Variants in SH3KBP1 observed in about 807,000 individuals in gnomAD.
SH3KBP1 encodes the protein SH3 domain-containing kinase-binding protein 1.
In SH3KBP1, 8 loss-of-function variants were observed where a neutral mutation model predicts 50.1. That is an observed-to-expected ratio of 0.16 (90% CI 0.09 to 0.29). SH3KBP1 has a LOEUF of 0.29. Ranked by LOEUF, SH3KBP1 falls within the 10% of genes least tolerant of loss-of-function variation. The pLI, the probability that SH3KBP1 is intolerant of heterozygous loss-of-function variation, is 1.00. For synonymous variants in SH3KBP1, 227 were observed against 218.6 expected (o/e 1.04, Z -0.34); for missense variants, 377 against 535.2 (o/e 0.70, Z 2.92).
At chrX:19,566,812 T>C (rs1408113957) in intron 13 of SH3KBP1, among the ~76,000 whole-genome samples, 1 of 111,556 alleles carries the variant, frequency 9.0e-6, no homozygotes, top group African/African-American at 3.3e-5. Flanking sequence ...GAAGTACTTT[T>C]GGCATTAACA....
chrX:19,823,890 C>T (rs1373057739), intron 2 of SH3KBP1, among the ~76,000 whole-genome samples: 1 of 111,849 alleles, frequency 8.9e-6, no homozygotes, highest in African/African-American at 3.3e-5. Context: ...GCCACAATCT[C>T]GGCTCACTGC....
chrX:19,882,552 A>T (rs1382823270), intron 1 of SH3KBP1, among the ~76,000 whole-genome samples: 1 of 111,460 alleles, frequency 9.0e-6, no homozygotes, highest in Non-Finnish European at 1.9e-5. Flanking sequence ...AAGGAAAGGG[A>T]TTCCCTCCTA....
chrX:19,817,767 T>A (rs2067401475), intron 2 of SH3KBP1, among the ~76,000 whole-genome samples: 1 of 111,365 alleles, frequency 9.0e-6, no homozygotes, highest in Non-Finnish European at 1.9e-5. Flanking sequence ...CCTGAGTTGC[T>A]GGGATTACAG....
intron 1 of SH3KBP1, among the ~76,000 whole-genome samples, chrX:19,843,064 G>A (rs1172728810): frequency 8.7e-5 from 8 of 92,291 alleles, no homozygotes; most frequent in African/African-American, 3.0e-4. Context: ...TGTCCCCTGG[G>A]CTGGAGTGCA....
At chrX:19,818,508 G>A (rs1202344611) in intron 2 of SH3KBP1, among the ~76,000 whole-genome samples, 1 of 111,930 alleles carries the variant, frequency 8.9e-6, no homozygotes, top group Non-Finnish European at 1.9e-5. Context: ...CATTCTCAGG[G>A]GGAGAGTATA....
intron 3 of SH3KBP1, among the ~76,000 whole-genome samples, chrX:19,745,375 C>G (rs902772387): frequency 8.9e-6 from 1 of 112,270 alleles, no homozygotes; most frequent in Non-Finnish European, 1.9e-5. Context: ...AGGCACAAAG[C>G]TATGATCAAT....
At chrX:19,761,367 GGAGGGAGGGGGGA>G (rs2065426998) in intron 2 of SH3KBP1, among the ~76,000 whole-genome samples, 1 of 93,836 alleles carries the variant, frequency 1.1e-5, no homozygotes, top group Admixed American at 1.2e-4. Flanking sequence ...GAGAGAGTGG[GGAGGGAGGGGGGA>G]GAGAGAGGGA....
At chrX:19,704,376 A>T (rs1371339240) in intron 4 of SH3KBP1, among the ~76,000 whole-genome samples, 1 of 112,556 alleles carries the variant, frequency 8.9e-6, no homozygotes, top group East Asian at 2.8e-4. Context: ...AAAGTGGGCA[A>T]TATTTCTGAG....
intron 9 of SH3KBP1, among the ~76,000 whole-genome samples, chrX:19,606,786 T>C (rs2067255351): frequency 8.9e-6 from 1 of 112,030 alleles, no homozygotes; most frequent in African/African-American, 3.2e-5. Context: ...TGCCGGTCCA[T>C]GGATCTCACT....
chrX:19,682,459 G>C (rs1304938816), intron 6 of SH3KBP1, among the ~76,000 whole-genome samples: 1 of 109,109 alleles, frequency 9.2e-6, no homozygotes, highest in Non-Finnish European at 1.9e-5. Context: ...TGAGTCAATG[G>C]TCGTTTTCAC....
At chrX:19,681,048 T>C (rs1354925676) in intron 6 of SH3KBP1, among the ~76,000 whole-genome samples, 3 of 111,870 alleles carry the variant, frequency 2.7e-5, no homozygotes, top group Non-Finnish European at 5.6e-5. Flanking sequence ...TTTTTTTTCT[T>C]TTTGCATTGT....
chrX:19,747,935 G>A (rs751559584), intron 2 of SH3KBP1, among the ~76,000 whole-genome samples: 64 of 112,598 alleles, frequency 5.7e-4, no homozygotes, highest in African/African-American at 2.0e-3. Context: ...CAGTTGCTGG[G>A]GGTTCCTGTA....
intron 3 of SH3KBP1, among the ~76,000 whole-genome samples, chrX:19,719,149 G>A (rs1271562542): frequency 1.8e-5 from 2 of 111,412 alleles, no homozygotes; most frequent in Non-Finnish European, 3.8e-5. Flanking sequence ...TGTGAGTGTC[G>A]GTTGCTGTCT....
intron 7 of SH3KBP1, among the ~76,000 whole-genome samples, chrX:19,643,585 C>T (rs1187564406): frequency 1.8e-5 from 2 of 110,104 alleles, no homozygotes; most frequent in African/African-American, 6.6e-5. Flanking sequence ...AAATGTCTGT[C>T]AATAAACATC....
intron 1 of SH3KBP1, among the ~76,000 whole-genome samples, chrX:19,881,898 G>A (rs1019179748): frequency 3.6e-5 from 4 of 111,656 alleles, no homozygotes; most frequent in African/African-American, 1.3e-4. Context: ...GGTGAGGCCT[G>A]AGACCATGTA....
At chrX:19,626,996 T>C (rs919886278) in intron 8 of SH3KBP1, among the ~76,000 whole-genome samples, 3 of 112,153 alleles carry the variant, frequency 2.7e-5, no homozygotes, top group African/African-American at 9.7e-5. Context: ...AACGTTAGCT[T>C]TCTAAGCGTT....
At chrX:19,838,059 A>AAACAACAAC (rs60326622) in intron 1 of SH3KBP1, among the ~76,000 whole-genome samples, 6 of 100,709 alleles carry the variant, frequency 6.0e-5, no homozygotes, top group African/African-American at 1.8e-4. Flanking sequence ...CAAATGAGTA[A>AAACAACAAC]AACAACAACA....
chrX:19,570,030 A>C (rs1185395042), intron 12 of SH3KBP1, among the ~76,000 whole-genome samples: 1 of 112,337 alleles, frequency 8.9e-6, no homozygotes, highest in Non-Finnish European at 1.9e-5. Context: ...AAGTAACAGA[A>C]ATAGTCCATC....
chrX:19,771,165 G>A (rs1280062602), intron 2 of SH3KBP1, among the ~76,000 whole-genome samples: 4 of 112,233 alleles, frequency 3.6e-5, no homozygotes, highest in Admixed American at 1.9e-4. Flanking sequence ...CAACAACACC[G>A]CTCATATTCT....
Sources: gnomAD v4.1 joint callset for allele counts (sites outside exome capture counted in the v4.1 genomes callset) on GRCh38, gnomAD v4.1.1 for gene constraint, MANE v1.5 for transcripts, NCBI Gene and HGNC (gene_info 2026-07-23, HGNC 2026-07-21) for gene names.